ADAR: variants seen among roughly 807,000 people sequenced by gnomAD.
The protein encoded by ADAR is double-stranded RNA-specific adenosine deaminase.
Under a neutral mutation model 113.2 loss-of-function variants are expected in ADAR, and 41 were observed. That is an observed-to-expected ratio of 0.36 (90% CI 0.28 to 0.47). The LOEUF (loss-of-function observed/expected upper bound fraction) is 0.47. ADAR is among the 20% of genes least tolerant of loss of function. The probability of loss-of-function intolerance (pLI) is 1.00; values close to 1 mark genes in which losing one functional copy is unlikely to be tolerated. For missense variants in ADAR, 1,242 were observed against 1,540.9 expected (o/e 0.81, Z 3.25); for synonymous variants, 605 against 572.6 (o/e 1.06, Z -0.81).
At chr1:154,591,353 T>C (rs1697132475) in intron 6 of ADAR, among the ~76,000 whole-genome samples, 1 of 152,262 alleles carries the variant, frequency 6.6e-6, no homozygotes, top group African/African-American at 2.4e-5. Context: ...CCTCATTTAC[T>C]TCCTATTAGC....
chr1:154,618,053 C>A (rs929165515), intron 1 of ADAR, among the ~76,000 whole-genome samples: 1 of 150,564 alleles, frequency 6.6e-6, no homozygotes, highest in Admixed American at 6.6e-5. Context: ...ATATATGCAT[C>A]TAAAGTATAT....
chr1:154,586,133 G>A, intron 12 of ADAR, 48 bp downstream of exon 12: 1 of 1,609,326 alleles, frequency 6.2e-7, no homozygotes, highest in Non-Finnish European at 8.5e-7. Flanking sequence ...TTGGGATCTG[G>A]GCACAAGAAG....
chr1:154,612,758 T>C (rs535788672), upstream of ADAR, among the ~76,000 whole-genome samples: 1 of 152,326 alleles, frequency 6.6e-6, no homozygotes, highest in Non-Finnish European at 1.5e-5. Flanking sequence ...TCCTCAATTC[T>C]TTATCACTGA....
Position 154,602,544 on chromosome 1 carries a change from C to T in ADAR, c.98G>A (p.Gly33Glu), listed in dbSNP as rs1571113228. The change falls in exon 2 of 15, where the codon GGA (glycine) becomes GAA (glutamate). Residue 33 changes from glycine (G) to glutamate (E), a missense_variant. Transcript: ENST00000368474. ...AAGCAGGAAACTACTGGGGGAAGAT[C>T]CTGGCCCAGGCTGCTGGTACCTGAG... Reference protein sequence around the residue: ...RQLRYQQPGPGSSPSSFLLKQ... With the variant: ...RQLRYQQPGPESSPSSFLLKQ... The T allele has an allele frequency of 4.3e-6, 7 of 1,614,212 alleles. No homozygotes were observed. The highest frequency in any genetic ancestry group is 3.3e-4 in the Middle Eastern group (2 of 6,056).
chr1:154,605,847 C>G (rs1429556314), intron 1 of ADAR, among the ~76,000 whole-genome samples: 3 of 151,638 alleles, frequency 2.0e-5, no homozygotes, highest in Admixed American at 2.0e-4. Context: ...TTTGAGTGAC[C>G]TTGGGAAAAA....
chr1:154,613,030 C>G (rs529976238), upstream of ADAR, among the ~76,000 whole-genome samples: 61 of 152,094 alleles, frequency 4.0e-4, no homozygotes, highest in African/African-American at 1.5e-3. Flanking sequence ...CCAGGATGGT[C>G]TCAATCTCCT....
At chr1:154,617,969 C>A (rs1698681854) in intron 1 of ADAR, among the ~76,000 whole-genome samples, 2 of 151,578 alleles carry the variant, frequency 1.3e-5, no homozygotes, top group Non-Finnish European at 1.5e-5. Flanking sequence ...CTCTTAGAAC[C>A]AATACCAGTC....
Position 154,582,429 on chromosome 1 carries a change from A to G in ADAR, c.*2377T>C, listed in dbSNP as rs559413890. 1.1e-4 allele frequency: 16 copies of G among 151,928 alleles called. No homozygotes were observed. The highest frequency in any genetic ancestry group is 2.7e-4 in the African/African-American group (11 of 41,432). 9.4% of individuals were successfully genotyped at this position (151,928 alleles called of 1,614,324 possible). A position where few individuals can be genotyped will look rare whatever the true frequency, so the allele number is the denominator to read the frequency against. On this transcript the variant is annotated 3_prime_UTR_variant, in exon 15 of 15. Coordinates refer to ENST00000368474, the MANE Select transcript of ADAR (RefSeq NM_001111.5). ...AAAAGACTGGACAAAGAAAGTGAAG[A>G]TAACAGTGGGCAGAAGCTCTGCCTC...
At chr1:154,586,822 A>G (rs1423397165) in intron 11 of ADAR, among the ~76,000 whole-genome samples, 1 of 152,132 alleles carries the variant, frequency 6.6e-6, no homozygotes, top group Non-Finnish European at 1.5e-5. Flanking sequence ...TTGGCTGTTC[A>G]GGCGCCTGAC....
intron 1 of ADAR, among the ~76,000 whole-genome samples, chr1:154,605,528 C>A (rs1698140292): frequency 6.6e-6 from 1 of 151,610 alleles, no homozygotes; most frequent in Admixed American, 6.6e-5. Flanking sequence ...TCTCCACTCT[C>A]AATATTCCCA....
chr1:154,586,444 T>C, intron 11 of ADAR, 81 bp from the exon 12 acceptor site: 2 of 1,380,912 alleles, frequency 1.4e-6, no homozygotes, highest in Non-Finnish European at 2.0e-6. Flanking sequence ...CTCCTTAAGC[T>C]TGGGCCACAG....
In ADAR at chr1:154,608,064, G is replaced by T; in HGVS notation, c.-58C>A. The T allele has an allele frequency of 6.6e-7, 1 of 1,520,606 alleles. No individual in the cohort carries two copies. Among genetic ancestry groups the T allele is most frequent in the Non-Finnish European group, 8.8e-7 (1 of 1,135,118 alleles). The allele number at this position is 1,520,606 out of a possible 1,614,324, so 94.2% of individuals were successfully genotyped here. A position where few individuals can be genotyped will look rare whatever the true frequency, so the allele number is the denominator to read the frequency against. On this transcript the variant is annotated 5_prime_UTR_variant, in exon 1 of 15. Transcript: ENST00000368474. ...CCGGCGGCACGACCCTGGCCCGACC[G>T]CTGGGCCGCGCCAGCCCCTCGAGGC... is the stretch of plus-strand genomic sequence containing the variant.
chr1:154,600,162 TTTTC>T (rs1697768628), intron 2 of ADAR: 1 of 152,442 alleles, frequency 6.6e-6, no homozygotes, highest in South Asian at 2.1e-4. Context: ...TGTTTTTCTT[TTTTC>T]TTTCTTTTTC....
chr1:154,587,473 C>T (rs1320479633), intron 11 of ADAR, among the ~76,000 whole-genome samples: 2 of 152,228 alleles, frequency 1.3e-5, no homozygotes, highest in Admixed American at 6.5e-5. Flanking sequence ...TATTAGTTTC[C>T]GTGTGGACAC....
chr1:154,611,907 G>A (rs1698497692), upstream of ADAR, among the ~76,000 whole-genome samples: 1 of 152,216 alleles, frequency 6.6e-6, no homozygotes, highest in African/African-American at 2.4e-5. Flanking sequence ...GGTGCATTCA[G>A]GGGGTGAGAC....
chr1:154,586,468 A>G, intron 11 of ADAR, 105 bp from the exon 12 acceptor site: 1 of 1,178,664 alleles, frequency 8.5e-7, no homozygotes, highest in Non-Finnish European at 1.2e-6. Context: ...ACATTCATTC[A>G]TTCTTCACAT....
chr1:154,607,057 A>G (rs1433532575), intron 1 of ADAR, among the ~76,000 whole-genome samples: 1 of 152,202 alleles, frequency 6.6e-6, no homozygotes, highest in East Asian at 1.9e-4. Context: ...CAATCAAGAT[A>G]TAGAACATTT....
At chr1:154,595,381 C>T (rs1697425596) in intron 6 of ADAR, among the ~76,000 whole-genome samples, 1 of 152,140 alleles carries the variant, frequency 6.6e-6, no homozygotes, top group Admixed American at 6.5e-5. Flanking sequence ...CCCCTGAACA[C>T]CTTACAGTGG....
At chr1:154,613,986 T>C (rs565075633) in intron 1 of ADAR, among the ~76,000 whole-genome samples, 82 of 151,738 alleles carry the variant, frequency 5.4e-4, no homozygotes, top group Middle Eastern at 3.4e-3. Flanking sequence ...TAAGTGCATT[T>C]ATCCACTCCA....
Sources: gnomAD v4.1 joint callset for allele counts (sites outside exome capture counted in the v4.1 genomes callset) on GRCh38, gnomAD v4.1.1 for gene constraint, MANE v1.5 for transcripts, NCBI Gene and HGNC (gene_info 2026-07-23, HGNC 2026-07-21) for gene names.